NUMA1: variants seen among roughly 807,000 people sequenced by gnomAD.
NUMA1 encodes the protein nuclear mitotic apparatus protein 1, also known as SP-H antigen.
A neutral mutation model predicts 237.1 loss-of-function variants in NUMA1; 62 were observed. The observed-to-expected ratio is 0.26, with a 90% confidence interval of 0.21 to 0.32. The LOEUF (loss-of-function observed/expected upper bound fraction) is 0.32. Among genes scored for constraint, NUMA1 ranks in the 10% least tolerant of loss-of-function variants. NUMA1 has a pLI of 1.00. For missense variants in NUMA1, 2,533 were observed against 2,666.5 expected (o/e 0.95, Z 1.10); for synonymous variants, 1,028 against 1,066.1 (o/e 0.96, Z 0.70).
At position 72,021,393 on chromosome 11, in the gene NUMA1, T is replaced by C. The variant is rs772675531; in HGVS notation, c.373-102A>G. On this transcript the variant is annotated intron_variant, in intron 7 of 26. Transcript: ENST00000393695. ...GCAGTGCCAGTCCCCGGCTCCCTCATGCCCTAGGAGCCTGCTGGATCCCAT... is the reference window on the plus strand; with the variant it reads ...GCAGTGCCAGTCCCCGGCTCCCTCACGCCCTAGGAGCCTGCTGGATCCCAT... 5 of 1,009,502 alleles carry C rather than the reference T, an allele frequency of 5.0e-6. No individual in the cohort carries two copies. In the East Asian group the frequency reaches 1.3e-4, roughly 26 times the overall value. 62.5% of individuals were successfully genotyped at this position (1,009,502 alleles called of 1,614,324 possible). A position where few individuals can be genotyped will look rare whatever the true frequency, so the allele number is the denominator to read the frequency against.
chr11:72,067,298 G>A (rs1187277590), intron 2 of NUMA1: 1 of 152,198 alleles, frequency 6.6e-6, no homozygotes, highest in Non-Finnish European at 1.5e-5. Flanking sequence ...TGGTACACAA[G>A]GCTTTTTCTC....
intron 2 of NUMA1, among the ~76,000 whole-genome samples, chr11:72,060,203 A>C (rs1330285889): frequency 6.6e-6 from 1 of 152,172 alleles, no homozygotes; most frequent in Non-Finnish European, 1.5e-5. Context: ...TATTTTGTAA[A>C]TCAGGTTTTA....
intron 2 of NUMA1, among the ~76,000 whole-genome samples, chr11:72,063,389 A>G (rs577678735): frequency 5.8e-4 from 88 of 152,012 alleles, no homozygotes; most frequent in African/African-American, 2.0e-3. Context: ...GTCTCAAAAC[A>G]AAGAAACAAA....
chr11:72,008,064 T>G (rs578231104), intron 20 of NUMA1: 1 of 470,682 alleles, frequency 2.1e-6, no homozygotes, highest in Admixed American at 2.4e-5. Context: ...CCCAGATTCA[T>G]CTGTTAAAGG....
In NUMA1 at chr11:72,015,609, C is replaced by T. The variant is rs143872566; in HGVS notation, c.1894G>A (p.Asp632Asn). Residue 632 changes from aspartate to asparagine, a missense_variant, in exon 15 of 27, where the codon GAC (aspartate) becomes AAC (asparagine). By Grantham distance (23) the Asp-to-Asn change is conservative. This residue lies in a region of NUMA1 where 1,414 missense variants were observed against 1,508.1 expected (regional missense o/e 0.94). Coordinates refer to ENST00000393695, the MANE Select transcript of NUMA1 (RefSeq NM_006185.4). The surrounding 1 kb of genome is among the most constrained non-coding windows in gnomAD (Gnocchi z 4.0). ...QQLQVANEAR[D>N]SAQTSVTQAQ... ...TGTGTCACTGAGGTCTGGGCACTGT[C>T]CCGGGCTTCATTAGCCACCTGAAGT... The T allele has an allele frequency of 4.1e-4, 657 of 1,613,734 alleles. 2 individuals carry two copies. Among genetic ancestry groups the T allele is most frequent in the Non-Finnish European group, 5.3e-4 (621 of 1,180,038 alleles).
At chr11:72,040,429 C>A (rs1420635789) in intron 2 of NUMA1, among the ~76,000 whole-genome samples, 5 of 149,872 alleles carry the variant, frequency 3.3e-5, no homozygotes, top group Middle Eastern at 3.2e-3. Context: ...ATGTATTGTA[C>A]TGGGGCGCGT....
rs751301043 is a variant in NUMA1, at chr11:72,018,293, T to C, written c.868A>G (p.Met290Val). 3.7e-6 allele frequency: 6 copies of C among 1,613,590 alleles called. No individual in the cohort carries two copies. Among genetic ancestry groups the C allele is most frequent in the South Asian group, 2.2e-5 (2 of 91,074 alleles). The change falls in exon 12 of 27, where the codon ATG becomes GTG. Residue 290 changes from methionine to valine, a missense_variant. By Grantham distance (21) the Met-to-Val change is conservative (BLOSUM62 1). Transcript: ENST00000393695. ...ELRDKNESLT[M>V]RLHETLKQCQ... ...TGCTTCAGGGTTTCATGCAGCCGCA[T>C]GGTAAGGCTGCGAGGGAGGGAAGCA...
intron 6 of NUMA1, 44 bp downstream of exon 6, chr11:72,023,021 C>T: frequency 6.8e-7 from 1 of 1,468,388 alleles, no homozygotes. Flanking sequence ...GGTACCATCA[C>T]CCCAACCCTG....
intron 2 of NUMA1, among the ~76,000 whole-genome samples, chr11:72,055,027 T>C (rs1162730082): frequency 6.6e-6 from 1 of 152,144 alleles, no homozygotes; most frequent in African/African-American, 2.4e-5. Flanking sequence ...GGGATTCCTG[T>C]TAGGACCTTT....
At chr11:72,005,517 T>C (rs1289027819) in intron 22 of NUMA1, 148 bp from the exon 23 acceptor site, 1 of 687,860 alleles carries the variant, frequency 1.5e-6, no homozygotes, top group African/African-American at 1.8e-5. Flanking sequence ...GGTGCAGGAG[T>C]ACGGCACACA....
chr11:72,079,514 T>C (rs1242252008), intron 1 of NUMA1, among the ~76,000 whole-genome samples: 1 of 148,642 alleles, frequency 6.7e-6, no homozygotes, highest in Non-Finnish European at 1.5e-5. Flanking sequence ...CACTCCGGCC[T>C]GGGCGATAGG....
At chr11:72,079,179 C>T (rs1943880505) in intron 1 of NUMA1, among the ~76,000 whole-genome samples, 1 of 152,188 alleles carries the variant, frequency 6.6e-6, no homozygotes, top group Non-Finnish European at 1.5e-5. Flanking sequence ...CCTGCCTAGC[C>T]ATTAGGATAC....
chr11:72,005,967 T>C, intron 22 of NUMA1, 68 bp downstream of exon 22: 1 of 1,320,056 alleles, frequency 7.6e-7, no homozygotes, highest in Middle Eastern at 2.1e-4. Context: ...GCTTTCCTCT[T>C]TTCCCTGTGC....
At position 72,009,249 on chromosome 11, in the gene NUMA1, C is replaced by T. The variant is rs747819458; in HGVS notation, c.4839+19G>A. 1.0e-5 allele frequency: 16 copies of T among 1,607,774 alleles called. No individual in the cohort carries two copies. Among genetic ancestry groups the T allele is most frequent in the Non-Finnish European group, 1.4e-5 (16 of 1,178,010 alleles). ...AAGGGCAGGAGGAAGGTGGCATGGG[C>T]TGGGGCTGGGCTCCTTACCTGCAGC... On this transcript the variant is annotated intron_variant, in intron 18 of 26. Transcript: ENST00000393695.
At chr11:72,055,330 A>G (rs1016755166) in intron 2 of NUMA1, among the ~76,000 whole-genome samples, 2 of 152,166 alleles carry the variant, frequency 1.3e-5, no homozygotes, top group Non-Finnish European at 2.9e-5. Flanking sequence ...CCAAAGAGGA[A>G]TGAAGTCCAG....
intron 9 of NUMA1, 86 bp downstream of exon 9, chr11:72,019,408 G>A (rs1938411736): frequency 6.5e-7 from 1 of 1,540,570 alleles, no homozygotes; most frequent in African/African-American, 1.4e-5. Flanking sequence ...CCAGAGGCTG[G>A]TTAACATCTT....
chr11:72,047,351 G>A (rs1209441965), intron 2 of NUMA1, among the ~76,000 whole-genome samples: 1 of 152,032 alleles, frequency 6.6e-6, no homozygotes, highest in Non-Finnish European at 1.5e-5. Context: ...AGCCAGACAT[G>A]GTGGTGTGTG....
chr11:72,074,449 A>C (rs896000945), intron 1 of NUMA1, among the ~76,000 whole-genome samples: 7 of 152,172 alleles, frequency 4.6e-5, no homozygotes, highest in African/African-American at 1.7e-4. Flanking sequence ...TGCTATTACT[A>C]AATGTTGATA....
chr11:72,019,720 T>C (rs1938465392), intron 8 of NUMA1, 103 bp from the exon 9 acceptor site: 1 of 1,253,526 alleles, frequency 8.0e-7, no homozygotes, highest in African/African-American at 1.5e-5. Context: ...TGGGAGTATA[T>C]CCATGGATAC....
Sources: gnomAD v4.1 joint callset for allele counts (sites outside exome capture counted in the v4.1 genomes callset) on GRCh38, gnomAD v4.1.1 for gene constraint, gnomAD v4.1.1 regional missense constraint, Gnocchi (gnomAD v3.1) non-coding constraint, MANE v1.5 for transcripts, NCBI Gene and HGNC (gene_info 2026-07-23, HGNC 2026-07-21) for gene names.